The following PTK2B variants were observed in gnomAD, a reference collection of about 807,000 sequenced individuals.
The protein encoded by PTK2B is protein-tyrosine kinase 2-beta.
A neutral mutation model predicts 142.9 loss-of-function variants in PTK2B; 71 were observed. The ratio of observed to expected loss-of-function variants is 0.50; its 90% CI spans 0.41 to 0.61. PTK2B has a LOEUF of 0.61. Ranked by LOEUF, PTK2B falls within the 20% of genes least tolerant of loss-of-function variation. The pLI is 0.00. For synonymous variants in PTK2B, 519 were observed against 503.4 expected (o/e 1.03, Z -0.42); for missense variants, 1,105 against 1,320.4 (o/e 0.84, Z 2.53).
At chr8:27,410,065 A>C (rs1012193617) in intron 2 of PTK2B, among the ~76,000 whole-genome samples, 6 of 152,242 alleles carry the variant, frequency 3.9e-5, no homozygotes, top group African/African-American at 1.4e-4. Context: ...TTTATTTATT[A>C]AAATGTTAAG....
Position 27,434,001 on chromosome 8 carries a change from A to T in PTK2B, c.1106-92A>T, listed in dbSNP as rs957577818. 20 of 1,456,984 alleles carry T rather than the reference A, an allele frequency of 1.4e-5. No homozygotes were observed. The African/African-American group carries it at 2.8e-4, about 20-fold the overall frequency. The allele number at this position is 1,456,984 out of a possible 1,614,324, so 90.3% of individuals were successfully genotyped here. A position where few individuals can be genotyped will look rare whatever the true frequency, so the allele number is the denominator to read the frequency against. On this transcript the variant is annotated intron_variant, in intron 11 of 30. Transcript: ENST00000346049. ...TGGAATTAGGGGCTGGGATGGGAGG[A>T]GAGTCCCTTGTAGGAATAGTGAGGA... is the stretch of plus-strand genomic sequence containing the variant.
At chr8:27,396,926 G>T (rs1808084118) in intron 1 of PTK2B, among the ~76,000 whole-genome samples, 1 of 152,202 alleles carries the variant, frequency 6.6e-6, no homozygotes, top group African/African-American at 2.4e-5. Context: ...TCCTGCATGT[G>T]ATCAGTGATG....
intron 9 of PTK2B, 168 bp from the exon 10 acceptor site, chr8:27,432,092 A>G (rs1408391733): frequency 9.0e-6 from 5 of 557,344 alleles, no homozygotes; most frequent in Middle Eastern, 3.0e-4. Context: ...AAAAGATTGG[A>G]CACCCCTGAA....
intron 2 of PTK2B, among the ~76,000 whole-genome samples, chr8:27,312,621 A>C (rs1030467753): frequency 6.6e-6 from 1 of 152,194 alleles, no homozygotes; most frequent in African/African-American, 2.4e-5. Context: ...ACAATACCCC[A>C]AAATGGCCTC....
At chr8:27,358,183 G>A (rs539425369) in intron 1 of PTK2B, among the ~76,000 whole-genome samples, 58 of 152,314 alleles carry the variant, frequency 3.8e-4, no homozygotes, top group Non-Finnish European at 5.6e-4. Context: ...TTCCCCCAGG[G>A]CAGCACAGGG....
In PTK2B at chr8:27,430,096, G is replaced by T. The variant is rs1563279129; in HGVS notation, c.555G>T (p.Arg185=). Residue 185 remains arginine (R), a synonymous_variant, in exon 6 of 31, where the codon CGG becomes CGT. Transcript: ENST00000346049. ...TCTCCACCACCTATTTCTCCAGGCGGTTCTTCAAGGATATGCCCCACAATG... is the reference window on the plus strand; with the variant it reads ...TCTCCACCACCTATTTCTCCAGGCGTTTCTTCAAGGATATGCCCCACAATG... ...ALQLGCLELR[R]FFKDMPHNAL... 1.2e-6 allele frequency: 2 copies of T among 1,613,774 alleles called. No individual in the cohort carries two copies. The highest frequency in any genetic ancestry group is 1.7e-6 in the Non-Finnish European group (2 of 1,179,704).
chr8:27,428,953 CTT>C (rs1476987077), intron 5 of PTK2B, among the ~76,000 whole-genome samples: 1 of 152,188 alleles, frequency 6.6e-6, no homozygotes, highest in Admixed American at 6.5e-5. Context: ...GAGTTTCACT[CTT>C]GTCACCCATG....
chr8:27,376,731 A>G (rs1265723150), intron 1 of PTK2B, among the ~76,000 whole-genome samples: 1 of 152,226 alleles, frequency 6.6e-6, no homozygotes, highest in Non-Finnish European at 1.5e-5. Flanking sequence ...CAAATGCCAT[A>G]GAAATGTCAG....
chr8:27,446,663 C>A (rs1004905453), intron 24 of PTK2B, among the ~76,000 whole-genome samples: 2 of 152,226 alleles, frequency 1.3e-5, no homozygotes, highest in African/African-American at 4.8e-5. Context: ...ACTAAACCAA[C>A]TAAAACACTT....
intron 1 of PTK2B, among the ~76,000 whole-genome samples, chr8:27,385,134 G>A (rs570068921): frequency 1.3e-5 from 2 of 152,316 alleles, no homozygotes; most frequent in Admixed American, 1.3e-4. Flanking sequence ...TGGGACAGGG[G>A]GTAATGGTAC....
At chr8:27,383,071 T>C (rs1807125375) in intron 1 of PTK2B, among the ~76,000 whole-genome samples, 1 of 152,218 alleles carries the variant, frequency 6.6e-6, no homozygotes, top group Non-Finnish European at 1.5e-5. Context: ...TAAGATTGTC[T>C]TTTCTATCAT....
chr8:27,364,505 G>C (rs1805902666), intron 1 of PTK2B, among the ~76,000 whole-genome samples: 1 of 152,248 alleles, frequency 6.6e-6, no homozygotes, highest in African/African-American at 2.4e-5. Flanking sequence ...TGAAACTTGA[G>C]GTGGGCTTTA....
intron 1 of PTK2B, among the ~76,000 whole-genome samples, chr8:27,342,740 C>T (rs986708938): frequency 5.9e-5 from 9 of 152,350 alleles, no homozygotes; most frequent in African/African-American, 2.2e-4. Flanking sequence ...GACTTTCCTT[C>T]TGCCTTATTT....
intron 5 of PTK2B, among the ~76,000 whole-genome samples, chr8:27,429,425 G>A (rs1288084478): frequency 6.6e-6 from 1 of 152,196 alleles, no homozygotes; most frequent in East Asian, 1.9e-4. Context: ...CAGTGGCCCA[G>A]ACAGGGAAGG....
intron 1 of PTK2B, among the ~76,000 whole-genome samples, chr8:27,364,742 G>A (rs1375826516): frequency 2.0e-5 from 3 of 152,152 alleles, no homozygotes; most frequent in East Asian, 3.8e-4. Flanking sequence ...TCCAATTGAC[G>A]GGAGAAGATT....
chr8:27,420,354 A>T (rs1449488525), intron 3 of PTK2B, among the ~76,000 whole-genome samples: 4 of 152,182 alleles, frequency 2.6e-5, no homozygotes, highest in Non-Finnish European at 5.9e-5. Context: ...GGTGGGGAGG[A>T]TGGAAAGCCC....
intron 30 of PTK2B, among the ~76,000 whole-genome samples, chr8:27,457,465 C>T (rs868866680): frequency 6.6e-6 from 1 of 152,182 alleles, no homozygotes; most frequent in African/African-American, 2.4e-5. Flanking sequence ...CTTTCAACTT[C>T]TATTATTTAA....
intron 4 of PTK2B, among the ~76,000 whole-genome samples, chr8:27,421,842 G>A (rs186514357): frequency 7.2e-5 from 11 of 152,328 alleles, no homozygotes; most frequent in Admixed American, 2.0e-4. Flanking sequence ...AGAGCAAAGC[G>A]CAGCATCAGC....
At chr8:27,322,806 C>A (rs1469371459), upstream of PTK2B, 1 of 140,462 alleles carries the variant, frequency 7.1e-6, no homozygotes, top group Non-Finnish European at 1.5e-5. Flanking sequence ...CCTCTTTCAA[C>A]CCACGACCCC....
Sources: allele counts gnomAD v4.1 joint callset (sites outside exome capture counted in the v4.1 genomes callset), GRCh38; gene constraint gnomAD v4.1.1; transcripts MANE v1.5; gene names NCBI Gene and HGNC (gene_info 2026-07-23, HGNC 2026-07-21).